IDUA: variants seen among roughly 807,000 people sequenced by gnomAD.
The protein encoded by IDUA is alpha-L-iduronidase.
In IDUA, 65 loss-of-function variants were observed where a neutral mutation model predicts 68.9. That is an observed-to-expected ratio of 0.94 (90% CI 0.77 to 1.16). The LOEUF (loss-of-function observed/expected upper bound fraction) is 1.16. IDUA is among the 50% of genes most tolerant of loss of function. The pLI is 0.00. For synonymous variants in IDUA, 529 were observed against 433.6 expected (o/e 1.22, Z -2.73); for missense variants, 1,046 against 938.0 (o/e 1.12, Z -1.50).
In IDUA at chr4:991,568, C is replaced by T. The variant is rs771196872; in HGVS notation, c.299+3619C>T. 2.1e-5 allele frequency: 34 copies of T among 1,602,646 alleles called. No homozygotes were observed. The highest frequency in any genetic ancestry group is 6.7e-5 in the East Asian group (3 of 44,802). ...AGCAGGTCCTGCACCAGCGCCCGGA[C>T]GCACAGCACACTGCACGAGCAGCTG... On this transcript the variant is annotated intron_variant, in intron 2 of 13. Coordinates refer to ENST00000514224, the MANE Select transcript of IDUA (RefSeq NM_000203.5).
Position 1,002,885 on chromosome 4 carries a change from C to A in IDUA, c.1343C>A (p.Ala448Asp), listed in dbSNP as rs565375837. 23 of 1,430,572 alleles carry A rather than the reference C, an allele frequency of 1.6e-5. No individual in the cohort carries two copies. In the African/African-American group the frequency reaches 3.4e-4, roughly 21 times the overall value. 88.6% of individuals were successfully genotyped at this position (1,430,572 alleles called of 1,614,324 possible). The change falls in exon 9 of 14, where the codon GCC becomes GAC. Residue 448 changes from alanine to aspartate, a missense_variant. Transcript: ENST00000514224. Reference protein sequence around the residue: ...VLIYASDDTRAHPNRSVAVTL... With the variant: ...VLIYASDDTRDHPNRSVAVTL... The stretch of plus-strand genomic sequence containing the variant: ...ATCTACGCGAGCGACGACACCCGCG[C>A]CCACCCCAACCGCAGCGTCGCGGTG...
chr4:996,497 G>A (rs1489946006), intron 2 of IDUA, among the ~76,000 whole-genome samples: 3 of 152,234 alleles, frequency 2.0e-5, no homozygotes, highest in Non-Finnish European at 4.4e-5. Context: ...CCCCCCTCAG[G>A]AAAGGTGGTG....
chr4:1,002,847 C>T lies in IDUA; in HGVS notation c.1305C>T (p.Arg435=). The stretch of plus-strand genomic sequence containing the variant: ...CCCAGGGCCCGGCCGACGCCTGGCG[C>T]GCCGCGGTGCTGATCTACGCGAGCG... ...HRPQGPADAW[R]AAVLIYASDD... The change falls in exon 9 of 14, where the codon CGC becomes CGT. Residue 435 remains arginine, a synonymous_variant. Coordinates refer to ENST00000514224, the MANE Select transcript of IDUA (RefSeq NM_000203.5). 6.9e-7 allele frequency: 1 copy of T among 1,452,382 alleles called. No homozygotes were observed. The highest frequency in any genetic ancestry group is 1.5e-5 in the African/African-American group (1 of 67,666). 90.0% of individuals were successfully genotyped at this position (1,452,382 alleles called of 1,614,324 possible). A position where few individuals can be genotyped will look rare whatever the true frequency, so the allele number is the denominator to read the frequency against.
rs1438083904 is a variant in IDUA, at chr4:987,195, C to T, written c.111C>T (p.Ala37=). 2 of 1,478,232 alleles carry T rather than the reference C, an allele frequency of 1.4e-6. No homozygotes were observed. The highest frequency in any genetic ancestry group is 1.3e-5 in the South Asian group (1 of 78,156). The allele number at this position is 1,478,232 out of a possible 1,614,324, so 91.6% of individuals were successfully genotyped here. The change falls in exon 1 of 14, where the codon GCC becomes GCT. Residue 37 remains alanine (A), a synonymous_variant. Transcript: ENST00000514224. The part of the protein sequence containing the change: ...EAPHLVHVDA[A]RALWPLRRFW... ...CGCACCTGGTGCATGTGGACGCGGC[C>T]CGCGCGCTGTGGCCCCTGCGGCGCT...
rs765231968 is a variant in IDUA, at chr4:1,002,381, A to T, written c.1085A>T (p.Gln362Leu). 2.5e-6 allele frequency: 4 copies of T among 1,610,792 alleles called. No individual in the cohort carries two copies. Among genetic ancestry groups the T allele is most frequent in the Non-Finnish European group, 3.4e-6 (4 of 1,178,916 alleles). ...FLSYHPHPFA[Q>L]RTLTARFQVN... ...AGCTACCACCCGCACCCCTTCGCGCAGCGCACGCTCACCGCGCGCTTCCAG... is the reference window on the plus strand; with the variant it reads ...AGCTACCACCCGCACCCCTTCGCGCTGCGCACGCTCACCGCGCGCTTCCAG... Residue 362 changes from glutamine (Q) to leucine (L), a missense_variant, in exon 8 of 14, where the codon CAG becomes CTG. Transcript: ENST00000514224.
Position 1,002,524 on chromosome 4 carries a change from C to T in IDUA, c.1189+39C>T. The T allele has an allele frequency of 3.5e-6, 5 of 1,448,824 alleles. 1 individual carries two copies. In the South Asian group the frequency reaches 7.2e-5, roughly 21 times the overall value. The allele number at this position is 1,448,824 out of a possible 1,614,324, so 89.7% of individuals were successfully genotyped here. A position where few individuals can be genotyped will look rare whatever the true frequency, so the allele number is the denominator to read the frequency against. On this transcript the variant is annotated intron_variant, in intron 8 of 13. Transcript: ENST00000514224. ...GCTGGGGTGGGCCGGCCAGGGCCCT[C>T]CAGGCTGGGGAGCGGCTCCTGCGAA...
In IDUA at chr4:1,002,000, T is replaced by A; in HGVS notation, c.811T>A (p.Ser271Thr). 1 of 1,590,864 alleles carries A rather than the reference T, an allele frequency of 6.3e-7. No individual in the cohort carries two copies. The change falls in exon 7 of 14, where the codon TCC (serine) becomes ACC (threonine). Residue 271 changes from serine to threonine, a missense_variant. Ser to Thr is a moderately conservative substitution (Grantham distance 58). Transcript: ENST00000514224. ...CCCGCAGGGTGCGCGCAGCTCCATC[T>A]CCATCCTGGAGCAGGAGAAGGTCGT... ...LHRKGARSSISILEQEKVVAQ... is the reference protein window; with the variant it reads ...LHRKGARSSITILEQEKVVAQ...
At chr4:1,002,616 G>A (rs1243689281) in intron 8 of IDUA, 116 bp from the exon 9 acceptor site, 2 of 1,174,044 alleles carry the variant, frequency 1.7e-6, no homozygotes, top group Non-Finnish European at 2.3e-6. Flanking sequence ...CGCGTGGCGG[G>A]GCCTGGGGAC....
At position 1,004,087 on chromosome 4, in the gene IDUA, C is replaced by G. The variant is rs774370803; in HGVS notation, c.1803C>G (p.Thr601=). 2 of 1,613,060 alleles carry G rather than the reference C, an allele frequency of 1.2e-6. No homozygotes were observed. Among genetic ancestry groups the G allele is most frequent in the Non-Finnish European group, 1.7e-6 (2 of 1,179,910 alleles). ...CCCCGGTCAGCAGGAAGCCATCGACCTTCAACCTCTTTGTGTTCAGCCCAG... is the reference window on the plus strand; with the variant it reads ...CCCCGGTCAGCAGGAAGCCATCGACGTTCAACCTCTTTGTGTTCAGCCCAG... ...AYTPVSRKPS[T]FNLFVFSPDT... The change falls in exon 13 of 14, where the codon ACC becomes ACG. Residue 601 remains threonine, a synonymous_variant. Transcript: ENST00000514224. The surrounding 1 kb of genome is among the most constrained non-coding windows in gnomAD (Gnocchi z 5.0).
In IDUA at chr4:987,070, C is replaced by A; in HGVS notation, c.-15C>A. On this transcript the variant is annotated 5_prime_UTR_variant, in exon 1 of 14. Transcript: ENST00000514224. Reference sequence around the variant, plus strand: ...GTGCAGCCCGAAGCCCCGCAGTCCCCGAGCACGCGTGGCCATGCGTCCCCT... The same window carrying A: ...GTGCAGCCCGAAGCCCCGCAGTCCCAGAGCACGCGTGGCCATGCGTCCCCT... 1.3e-6 allele frequency: 2 copies of A among 1,505,790 alleles called. No individual in the cohort carries two copies. Among genetic ancestry groups the A allele is most frequent in the South Asian group, 2.5e-5 (2 of 81,448 alleles). The allele number at this position is 1,505,790 out of a possible 1,614,324, so 93.3% of individuals were successfully genotyped here.
At chr4:1,001,199 T>C in intron 4 of IDUA, 1 of 558,390 alleles carries the variant, frequency 1.8e-6, no homozygotes, top group Non-Finnish European at 3.2e-6. Flanking sequence ...GCTTGGTGGG[T>C]GGGCGAAGGC....
In IDUA at chr4:1,002,443, C is replaced by A. The variant is rs751396984; in HGVS notation, c.1147C>A (p.Arg383Ser). The A allele has an allele frequency of 6.4e-7, 1 of 1,556,966 alleles. No individual in the cohort carries two copies. The highest frequency in any genetic ancestry group is 8.7e-7 in the Non-Finnish European group (1 of 1,152,596). The change falls in exon 8 of 14, where the codon CGC becomes AGC. Residue 383 changes from arginine to serine, a missense_variant. Arg to Ser is a moderately radical substitution (Grantham distance 110). Transcript: ENST00000514224. The part of the protein sequence containing the change: ...NTRPPHVQLL[R>S]KPVLTAMGLL... ...CCGCCCGCCGCACGTGCAGCTGTTG[C>A]GCAAGCCGGTGCTCACGGCCATGGG...
Position 1,003,596 on chromosome 4 carries a change from G to C in IDUA, c.1698G>C (p.Leu566=), listed in dbSNP as rs1321815503. 4 of 1,612,478 alleles carry C rather than the reference G, an allele frequency of 2.5e-6. No individual in the cohort carries two copies. In the African/African-American group the frequency reaches 4.0e-5, roughly 16 times the overall value. Residue 566 remains leucine (L), a synonymous_variant, in exon 12 of 14, where the codon CTG becomes CTC. Transcript: ENST00000514224. Reference sequence around the variant, plus strand: ...CCCTGACCCAAGGGCAGCTGGTTCTGGTCTGGTCGGATGAACACGTGGGCT... The same window carrying C: ...CCCTGACCCAAGGGCAGCTGGTTCTCGTCTGGTCGGATGAACACGTGGGCT... The part of the protein sequence containing the change: ...ALPLTQGQLV[L]VWSDEHVGSK...
Position 1,001,806 on chromosome 4 carries a change from CCACTGCCACGACGGTACCAACTTCTT to C in IDUA, c.723_748del (p.Cys241TrpfsTer149). On this transcript the variant is annotated frameshift_variant, in exon 6 of 14. Coordinates refer to ENST00000514224, the MANE Select transcript of IDUA (RefSeq NM_000203.5). LOFTEE classifies it high-confidence loss of function. ...CCCCGCTGAGCTGGGGCCTCCTGCGCCACTGCCACGACGGTACCAACTTCTTCACTGGGGAGGCGGGCGTGCGGCTG... is the reference window on the plus strand; with the variant it reads ...CCCCGCTGAGCTGGGGCCTCCTGCGCCACTGGGGAGGCGGGCGTGCGGCTG... The C allele has an allele frequency of 1.2e-6, 2 of 1,604,992 alleles. No homozygotes were observed. Among genetic ancestry groups the C allele is most frequent in the Non-Finnish European group, 1.7e-6 (2 of 1,177,686 alleles).
At chr4:1,000,746 G>C in intron 3 of IDUA, 49 bp downstream of exon 3, 1 of 1,506,784 alleles carries the variant, frequency 6.6e-7, no homozygotes, top group African/African-American at 1.4e-5. Flanking sequence ...CCCTTGCCCT[G>C]CCCACCCTCT....
Position 1,004,214 on chromosome 4 carries a change from G to A in IDUA, c.1829-46G>A, listed in dbSNP as rs140566243. 6.5e-4 allele frequency: 1,044 copies of A among 1,610,290 alleles called. 6 individuals carry two copies. The African/African-American group carries it at 0.011, about 18-fold the overall frequency. On this transcript the variant is annotated intron_variant, in intron 13 of 13. Transcript: ENST00000514224. This position sits in a 1 kb window ranked among gnomAD's most constrained non-coding sequence, Gnocchi z 5.0. ...AGAAGCCTGGGGTCAGGGGGCTTTC[G>A]GGTGGGGGCAGGTTCCGGTTGGCAC...
chr4:1,002,506 T>G (rs1264840155), intron 8 of IDUA, 21 bp downstream of exon 8: 1 of 1,506,260 alleles, frequency 6.6e-7, no homozygotes, highest in Non-Finnish European at 8.9e-7. Context: ...GCCGCTGGGG[T>G]GGGCCGGCCA....
At chr4:989,234 T>C in intron 2 of IDUA, 1 of 1,612,278 alleles carries the variant, frequency 6.2e-7, no homozygotes, top group Non-Finnish European at 8.5e-7. Flanking sequence ...CTGGCAGCCA[T>C]GCACCCTGCG....
intron 4 of IDUA, 26 bp downstream of exon 4, chr4:1,001,015 C>T (rs541624524): frequency 7.9e-5 from 121 of 1,536,808 alleles, no homozygotes; most frequent in Non-Finnish European, 1.1e-4. Flanking sequence ...CCCTGGGGCC[C>T]TGGCCGGGGC....
Sources: allele counts gnomAD v4.1 joint callset (sites outside exome capture counted in the v4.1 genomes callset), GRCh38; gene constraint gnomAD v4.1.1; non-coding constraint Gnocchi (gnomAD v3.1); transcripts MANE v1.5; gene names NCBI Gene and HGNC (gene_info 2026-07-23, HGNC 2026-07-21).